Variants in GAK observed in about 807,000 individuals in gnomAD.
GAK encodes cyclin G associated kinase, also known as cyclin-G-associated kinase.
GAK carries 79 observed loss-of-function variants against 143.9 expected under a neutral mutation model. The observed-to-expected ratio is 0.55, with a 90% CI of 0.46 to 0.66. The LOEUF is 0.66. Among genes scored for constraint, GAK ranks in the 30% least tolerant of loss-of-function variants. GAK has a pLI of 0.00. For synonymous variants in GAK, 881 were observed against 765.5 expected (o/e 1.15, Z -2.49); for missense variants, 1,693 against 1,779.7 (o/e 0.95, Z 0.88).
intron 15 of GAK, 75 bp from the exon 16 acceptor site, chr4:877,884 T>G: frequency 3.0e-6 from 4 of 1,355,744 alleles, no homozygotes; most frequent in South Asian, 1.5e-5. Flanking sequence ...GTCTTTCGAA[T>G]AGAAGTTTTT....
At chr4:911,239 G>A (rs540780928) in intron 4 of GAK, among the ~76,000 whole-genome samples, 5 of 152,116 alleles carry the variant, frequency 3.3e-5, no homozygotes, top group South Asian at 4.1e-4. Flanking sequence ...TGACAAGGAC[G>A]GACAGCAGCA....
chr4:903,883 G>A (rs568938118), intron 5 of GAK, among the ~76,000 whole-genome samples: 10 of 152,288 alleles, frequency 6.6e-5, no homozygotes, highest in South Asian at 2.1e-4. Flanking sequence ...CCAACTGGGC[G>A]TGAAGGCCCC....
At chr4:926,701 G>T (rs911067839) in intron 1 of GAK, among the ~76,000 whole-genome samples, 1 of 152,152 alleles carries the variant, frequency 6.6e-6, no homozygotes, top group African/African-American at 2.4e-5. Flanking sequence ...ACTTGGAAGT[G>T]AAGGCGGTTG....
chr4:879,573 T>C (rs1198291168), intron 15 of GAK, among the ~76,000 whole-genome samples: 1 of 152,232 alleles, frequency 6.6e-6, no homozygotes, highest in African/African-American at 2.4e-5. Flanking sequence ...ATGCATCTTC[T>C]TCTGGCCACC....
chr4:897,062 G>C (rs1318251572), intron 6 of GAK, among the ~76,000 whole-genome samples: 2 of 152,250 alleles, frequency 1.3e-5, no homozygotes, highest in Non-Finnish European at 2.9e-5. Context: ...CAGAGGCTGG[G>C]GCCACAGAGC....
chr4:926,508 T>C (rs1724770831), intron 1 of GAK, among the ~76,000 whole-genome samples: 2 of 152,180 alleles, frequency 1.3e-5, no homozygotes, highest in South Asian at 2.1e-4. Context: ...TTCTGCGAGA[T>C]GGAAGTAATT....
Position 849,780 on chromosome 4 carries a change from G to A in GAK, c.3835-6C>T, listed in dbSNP as rs750906915. 2 of 1,609,410 alleles carry A rather than the reference G, an allele frequency of 1.2e-6. No individual in the cohort carries two copies. Among genetic ancestry groups the A allele is most frequent in the Admixed American group, 1.7e-5 (1 of 59,822 alleles). On this transcript the variant is annotated splice_region_variant and splice_polypyrimidine_tract_variant and intron_variant, in intron 27 of 27. Transcript: ENST00000314167. ...TCGTACGGCTGCCCCGCAGCCTATG[G>A]GTGACAGGCGGTGTAAGCGCCTCTT...
chr4:908,796 G>A (rs1249681208), intron 4 of GAK, among the ~76,000 whole-genome samples: 1 of 152,106 alleles, frequency 6.6e-6, no homozygotes, highest in African/African-American at 2.4e-5. Flanking sequence ...AAAAAAATAC[G>A]CCTGATACGG....
intron 2 of GAK, 128 bp from the exon 3 acceptor site, chr4:912,922 C>A: frequency 1.6e-6 from 1 of 627,744 alleles, no homozygotes; most frequent in Non-Finnish European, 2.7e-6. Context: ...CCCCCCGTTT[C>A]GTGTGTCTCC....
At chr4:893,725 AC>A (rs33951409) in intron 8 of GAK, 148 bp downstream of exon 8, 517,683 of 848,424 alleles carry the variant, frequency 0.61, 146,158 homozygotes, top group South Asian at 0.75. Context: ...CTCTCTGGAA[AC>A]CCCCCCCCCA....
chr4:912,899 G>A (rs938845501), intron 2 of GAK, 105 bp from the exon 3 acceptor site: 2 of 859,782 alleles, frequency 2.3e-6, no homozygotes, highest in Non-Finnish European at 3.6e-6. Flanking sequence ...AATGCAATGT[G>A]TCTAATACAG....
At chr4:894,410 G>C (rs934439143) in intron 7 of GAK, 2 of 185,692 alleles carry the variant, frequency 1.1e-5, no homozygotes, top group African/African-American at 4.7e-5. Context: ...GGGAGTGCAG[G>C]GGTGACTCCC....
intron 2 of GAK, among the ~76,000 whole-genome samples, chr4:913,128 A>G (rs542809281): frequency 6.6e-6 from 1 of 152,180 alleles, no homozygotes; most frequent in East Asian, 1.9e-4. Context: ...CAACAGGCCC[A>G]CTCATGCCCA....
rs564182141 is a variant in GAK, at chr4:879,193, C to T, written c.1662-1384G>A. Among the ~76,000 whole-genome samples, 8 of 152,262 alleles carry T rather than the reference C, an allele frequency of 5.3e-5. No homozygotes were observed. In the East Asian group the frequency reaches 5.8e-4, roughly 11 times the overall value. On this transcript the variant is annotated intron_variant, in intron 15 of 27. Coordinates refer to ENST00000314167, the MANE Select transcript of GAK (RefSeq NM_005255.4). ...TCGGGTCATGTAGCAATGACTAGTACGCTCTTCCCCCACCATCCTGTTCTG... is the reference window on the plus strand; with the variant it reads ...TCGGGTCATGTAGCAATGACTAGTATGCTCTTCCCCCACCATCCTGTTCTG...
At chr4:907,653 G>C (rs1038750114) in intron 4 of GAK, among the ~76,000 whole-genome samples, 1 of 152,246 alleles carries the variant, frequency 6.6e-6, no homozygotes, top group Non-Finnish European at 1.5e-5. Context: ...CACTGGAGGG[G>C]TTGCCTCATG....
chr4:866,568 C>T, intron 21 of GAK, 34 bp from the exon 22 acceptor site: 1 of 1,601,750 alleles, frequency 6.2e-7, no homozygotes, highest in South Asian at 1.1e-5. Flanking sequence ...GAGGACTCAG[C>T]CCGGCTGCCT....
At chr4:851,159 G>A (rs1047033145) in intron 25 of GAK, 75 bp from the exon 26 acceptor site, 17 of 1,319,040 alleles carry the variant, frequency 1.3e-5, no homozygotes, top group Admixed American at 7.4e-5. Flanking sequence ...GTGCAATGGC[G>A]TGATCTCAGC....
Position 863,165 on chromosome 4 carries a change from T to C in GAK, c.3166+1957A>G, listed in dbSNP as rs1248020477. Among the ~76,000 whole-genome samples the C allele has an allele frequency of 2.0e-5, 3 of 152,220 alleles. No individual in the cohort carries two copies. In the East Asian group the frequency reaches 5.8e-4, roughly 29 times the overall value. ...TGATCTCAACCCTCAAGGATGACTT[T>C]GAGGAGTTGAAGACTTCAGTGCAGG... is the stretch of plus-strand genomic sequence containing the variant. On this transcript the variant is annotated intron_variant, in intron 23 of 27. Transcript: ENST00000314167.
chr4:902,605 A>AAACAAAAAAAAC (rs1553889062), intron 5 of GAK, among the ~76,000 whole-genome samples: 4 of 130,310 alleles, frequency 3.1e-5, no homozygotes, highest in Non-Finnish European at 6.6e-5. Context: ...TCAAAAAAAA[A>AAACAAAAAAAAC]AAAAAAAAAC....
Sources: gnomAD v4.1 joint callset for allele counts (sites outside exome capture counted in the v4.1 genomes callset) on GRCh38, gnomAD v4.1.1 for gene constraint, MANE v1.5 for transcripts, NCBI Gene and HGNC (gene_info 2026-07-23, HGNC 2026-07-21) for gene names.